Variants in DCUN1D3 observed in about 807,000 individuals in gnomAD.
The protein encoded by DCUN1D3 is DCN1-like protein 3.
DCUN1D3 carries 6 observed loss-of-function variants against 24.8 expected under a neutral mutation model. The ratio of observed to expected loss-of-function variants is 0.24; its 90% confidence interval spans 0.13 to 0.48. DCUN1D3 has a LOEUF of 0.48. Among genes scored for constraint, DCUN1D3 ranks in the 20% least tolerant of loss-of-function variants. DCUN1D3 has a pLI of 0.99. For synonymous variants in DCUN1D3, 120 were observed against 144.9 expected, an observed-to-expected ratio of 0.83 and a Z score of 1.24; for missense variants, 258 against 379.4, an observed-to-expected ratio of 0.68 and a Z score of 2.66.
chr16:20,877,013 T>C (rs1345455349), intron 1 of DCUN1D3, among the ~76,000 whole-genome samples: 2 of 152,044 alleles, frequency 1.3e-5, no homozygotes, highest in East Asian at 3.9e-4. Context: ...AAGTAAGACC[T>C]AGCGTTGGAA....
intron 1 of DCUN1D3, among the ~76,000 whole-genome samples, chr16:20,868,462 C>T (rs1191973600): frequency 1.3e-5 from 2 of 152,190 alleles, no homozygotes; most frequent in Admixed American, 1.3e-4. Context: ...GGCAATCTCA[C>T]CAAATAATGG....
chr16:20,859,682 A>G lies in DCUN1D3; in HGVS notation c.*204T>C. ...TCAAATATTCTGGGAGATCCCCCCAAAAAGGAAATAACCAAAATAACCAAA... is the reference window on the plus strand; with the variant it reads ...TCAAATATTCTGGGAGATCCCCCCAGAAAGGAAATAACCAAAATAACCAAA... On this transcript the variant is annotated 3_prime_UTR_variant, in exon 3 of 3. Coordinates refer to ENST00000324344, the MANE Select transcript of DCUN1D3 (RefSeq NM_173475.4). 1 of 605,642 alleles carries G rather than the reference A, an allele frequency of 1.7e-6. No individual in the cohort carries two copies. The highest frequency in any genetic ancestry group is 3.0e-5 in the East Asian group (1 of 33,198). The allele number at this position is 605,642 out of a possible 1,614,324, so 37.5% of individuals were successfully genotyped here. A position where few individuals can be genotyped will look rare whatever the true frequency, so the allele number is the denominator to read the frequency against.
At chr16:20,880,596 C>A (rs1256213459) in intron 1 of DCUN1D3, among the ~76,000 whole-genome samples, 1 of 96,224 alleles carries the variant, frequency 1.0e-5, no homozygotes, top group African/African-American at 4.2e-5. Flanking sequence ...CAGAGTAAGA[C>A]CCTGTCTCAA....
At chr16:20,881,115 A>G (rs1237375077) in intron 1 of DCUN1D3, among the ~76,000 whole-genome samples, 2 of 152,240 alleles carry the variant, frequency 1.3e-5, no homozygotes, top group African/African-American at 4.8e-5. Context: ...AGTGAGAAAT[A>G]TATTTTATAT....
At chr16:20,898,434 C>T (rs1404357998) in intron 1 of DCUN1D3, among the ~76,000 whole-genome samples, 1 of 152,146 alleles carries the variant, frequency 6.6e-6, no homozygotes, top group African/African-American at 2.4e-5. Flanking sequence ...CTGTGTACAC[C>T]CAGTGCCTGA....
At chr16:20,875,381 T>C (rs1462216434) in intron 1 of DCUN1D3, among the ~76,000 whole-genome samples, 1 of 152,170 alleles carries the variant, frequency 6.6e-6, no homozygotes, top group Admixed American at 6.5e-5. Context: ...TGCACAGATA[T>C]TGCAGCTCCT....
chr16:20,890,913 A>ATT (rs150298028), intron 1 of DCUN1D3, among the ~76,000 whole-genome samples: 9 of 143,888 alleles, frequency 6.3e-5, no homozygotes, highest in East Asian at 2.0e-4. Context: ...CCTGGTCAAA[A>ATT]TTTTTTTTTT....
chr16:20,889,154 G>A (rs1476245542), intron 1 of DCUN1D3, among the ~76,000 whole-genome samples: 2 of 151,838 alleles, frequency 1.3e-5, no homozygotes, highest in Non-Finnish European at 2.9e-5. Flanking sequence ...GAGCCCAGGA[G>A]GCGGAGGTTG....
At chr16:20,861,631 C>T (rs180755510) in intron 2 of DCUN1D3, among the ~76,000 whole-genome samples, 8 of 152,176 alleles carry the variant, frequency 5.3e-5, no homozygotes. Context: ...CCTGGCTCAC[C>T]CTGGCTTATT....
At position 20,880,151 on chromosome 16, in the gene DCUN1D3, A is replaced by G. The variant is rs1447394903; in HGVS notation, c.-105-17508T>C. 2.0e-5 allele frequency among the ~76,000 whole-genome samples: 3 copies of G among 152,206 alleles called. No individual in the cohort carries two copies. The East Asian group carries it at 5.8e-4, about 29-fold the overall frequency. On this transcript the variant is annotated intron_variant, in intron 1 of 2. Transcript: ENST00000324344. Reference sequence around the variant, plus strand: ...TGCGTCCAAGGCTTAAATGCATTACACATTATTTATTCCCTTGGGACAAAA... The same window carrying G: ...TGCGTCCAAGGCTTAAATGCATTACGCATTATTTATTCCCTTGGGACAAAA...
At chr16:20,885,556 A>C (rs2081864630) in intron 1 of DCUN1D3, among the ~76,000 whole-genome samples, 1 of 152,166 alleles carries the variant, frequency 6.6e-6, no homozygotes, top group Non-Finnish European at 1.5e-5. Context: ...CTTTAAAAAA[A>C]AAAAAACATA....
chr16:20,892,122 G>T (rs1302623525), intron 1 of DCUN1D3, among the ~76,000 whole-genome samples: 1 of 152,092 alleles, frequency 6.6e-6, no homozygotes, highest in Non-Finnish European at 1.5e-5. Context: ...AAAAAGTTAG[G>T]AAACTCTCAA....
intron 1 of DCUN1D3, among the ~76,000 whole-genome samples, chr16:20,873,555 G>C (rs1048085472): frequency 3.3e-5 from 5 of 152,262 alleles, no homozygotes; most frequent in African/African-American, 1.2e-4. Context: ...TCAAAGGACA[G>C]ATTTGTAGCA....
chr16:20,862,940 C>G (rs1215778648), intron 1 of DCUN1D3, among the ~76,000 whole-genome samples: 1 of 152,186 alleles, frequency 6.6e-6, no homozygotes. Flanking sequence ...CAGAAATATT[C>G]CAGAGGAAAT....
chr16:20,854,929 A>G lies in DCUN1D3; in HGVS notation c.*4957T>C, dbSNP rs1319828448. The G allele has an allele frequency of 1.3e-5, 2 of 152,578 alleles. No individual in the cohort carries two copies. Among genetic ancestry groups the G allele is most frequent in the African/African-American group, 4.8e-5 (2 of 41,440 alleles). 9.5% of individuals were successfully genotyped at this position (152,578 alleles called of 1,614,324 possible). A position where few individuals can be genotyped will look rare whatever the true frequency, so the allele number is the denominator to read the frequency against. On this transcript the variant is annotated 3_prime_UTR_variant, in exon 3 of 3. Transcript: ENST00000324344. ...TTTTTTGTAGAAATATCAATATTCAAGTAAACAAATTTATTAAATCCAACA... is the reference window on the plus strand; with the variant it reads ...TTTTTTGTAGAAATATCAATATTCAGGTAAACAAATTTATTAAATCCAACA...
intron 1 of DCUN1D3, among the ~76,000 whole-genome samples, chr16:20,876,965 G>C (rs895350591): frequency 6.6e-6 from 1 of 152,132 alleles, no homozygotes; most frequent in East Asian, 1.9e-4. Flanking sequence ...GGGAGCGGGA[G>C]GGGAGATGAA....
Position 20,860,354 on chromosome 16 carries a change from A to G in DCUN1D3, c.447T>C (p.Asp149=), listed in dbSNP as rs1567420795. ...TGTCTGCACTTATTGCTTTGCAGCC[A>G]TCAAAAAACTCCTTCCTGCAACAGA... The part of the protein sequence containing the change: ...MCKFTRKEFF[D]GCKAISADSI... Residue 149 remains aspartate, a synonymous_variant, in exon 3 of 3, where the codon GAT becomes GAC. Coordinates refer to ENST00000324344, the MANE Select transcript of DCUN1D3 (RefSeq NM_173475.4). The surrounding 1 kb of genome is among the most constrained non-coding windows in gnomAD (Gnocchi z 4.3). 1 of 1,610,198 alleles carries G rather than the reference A, an allele frequency of 6.2e-7. No homozygotes were observed. The highest frequency in any genetic ancestry group is 1.7e-5 in the Admixed American group (1 of 59,546).
At chr16:20,892,311 G>A (rs1410919264) in intron 1 of DCUN1D3, among the ~76,000 whole-genome samples, 2 of 152,144 alleles carry the variant, frequency 1.3e-5, no homozygotes, top group East Asian at 1.9e-4. Context: ...CACTTACTGA[G>A]AAGGAAGAAA....
intron 1 of DCUN1D3, among the ~76,000 whole-genome samples, chr16:20,892,826 A>G (rs1166837642): frequency 6.6e-6 from 1 of 152,220 alleles, no homozygotes; most frequent in Non-Finnish European, 1.5e-5. Context: ...GGTCACTTTC[A>G]GAACTATTCT....
Sources: allele counts gnomAD v4.1 joint callset (sites outside exome capture counted in the v4.1 genomes callset), GRCh38; gene constraint gnomAD v4.1.1; non-coding constraint Gnocchi (gnomAD v3.1); transcripts MANE v1.5; gene names NCBI Gene and HGNC (gene_info 2026-07-23, HGNC 2026-07-21).